Variants in NYAP2 observed in about 807,000 individuals in gnomAD.
NYAP2 encodes neuronal tyrosine-phosphorylated phosphoinositide-3-kinase adapter 2.
NYAP2 carries 23 observed loss-of-function variants against 50.4 expected under a neutral mutation model. The ratio of observed to expected loss-of-function variants is 0.46; its 90% CI spans 0.33 to 0.65. NYAP2 has a LOEUF of 0.65. Ranked by LOEUF, NYAP2 falls within the 30% of genes least tolerant of loss-of-function variation. The pLI is 0.02. For synonymous variants in NYAP2, 394 were observed against 365.2 expected, an observed-to-expected ratio of 1.08 and a Z score of -0.90; for missense variants, 885 against 861.0, an observed-to-expected ratio of 1.03 and a Z score of -0.35.
chr2:225,693,941 C>T, the NYAP2 span, among the ~76,000 whole-genome samples: 1 of 151,964 alleles, frequency 6.6e-6, no homozygotes, highest in Non-Finnish European at 1.5e-5. Context: ...ATTTCACCTC[C>T]TAGACAGGAA....
At chr2:225,660,881 TA>T in the NYAP2 span, among the ~76,000 whole-genome samples, 1 of 152,154 alleles carries the variant, frequency 6.6e-6, no homozygotes, top group Non-Finnish European at 1.5e-5. Context: ...AAATAATACT[TA>T]GGGGAAAAAT....
At chr2:225,547,037 A>G (rs2106207522) in intron 4 of NYAP2, among the ~76,000 whole-genome samples, 1 of 152,206 alleles carries the variant, frequency 6.6e-6, no homozygotes, top group East Asian at 1.9e-4. Flanking sequence ...GCCCTATCCT[A>G]TTGTGGCTAA....
chr2:225,526,412 C>A (rs1220537733), intron 4 of NYAP2, among the ~76,000 whole-genome samples: 1 of 152,170 alleles, frequency 6.6e-6, no homozygotes, highest in Non-Finnish European at 1.5e-5. Flanking sequence ...GTGGTTAAGA[C>A]AACAGCAGTG....
chr2:225,510,345 G>T (rs570180366), intron 3 of NYAP2, among the ~76,000 whole-genome samples: 5 of 151,898 alleles, frequency 3.3e-5, no homozygotes, highest in African/African-American at 1.2e-4. Context: ...TAATATTTCT[G>T]GGGGGGTTCT....
rs577821608 is a variant in NYAP2 at position 225,573,620 on chromosome 2, A to G, written c.524-8321A>G. Among the ~76,000 whole-genome samples the G allele has an allele frequency of 4.6e-5, 7 of 152,234 alleles. No homozygotes were observed. In the East Asian group the frequency reaches 1.3e-3, roughly 29 times the overall value. On this transcript the variant is annotated intron_variant, in intron 4 of 6. Transcript: ENST00000636099. ...ATGGGTGGTTCCTCTGCTTTATGTG[A>G]CAATGGCTGGGGCCTCTTATTTTTC... is the stretch of plus-strand genomic sequence containing the variant.
At chr2:225,522,575 A>G (rs766071946) in intron 4 of NYAP2, among the ~76,000 whole-genome samples, 13 of 152,198 alleles carry the variant, frequency 8.5e-5, no homozygotes, top group Non-Finnish European at 1.5e-4. Context: ...CAAAAAAGTA[A>G]TTTAGAGCCT....
chr2:225,487,382 CAG>C (rs1265452642), intron 3 of NYAP2, among the ~76,000 whole-genome samples: 1 of 151,228 alleles, frequency 6.6e-6, no homozygotes, highest in Non-Finnish European at 1.5e-5. Flanking sequence ...TTTTCCATGT[CAG>C]AGTCTTGCTC....
At chr2:225,523,260 G>A (rs569959664) in intron 4 of NYAP2, among the ~76,000 whole-genome samples, 8 of 150,830 alleles carry the variant, frequency 5.3e-5, no homozygotes, top group African/African-American at 1.9e-4. Context: ...CATCCAAATT[G>A]GAAAAGAGGA....
intron 5 of NYAP2, among the ~76,000 whole-genome samples, chr2:225,607,828 A>G (rs1692814661): frequency 6.6e-6 from 1 of 152,178 alleles, no homozygotes; most frequent in Non-Finnish European, 1.5e-5. Context: ...CTGTGGGCAT[A>G]CATATTTAAT....
intron 3 of NYAP2, among the ~76,000 whole-genome samples, chr2:225,510,455 T>C (rs893840798): frequency 2.6e-5 from 4 of 152,218 alleles, no homozygotes; most frequent in Non-Finnish European, 5.9e-5. Flanking sequence ...ATTCAATCAT[T>C]GCCCTTCATA....
chr2:225,597,923 T>G (rs1692633571), intron 5 of NYAP2, among the ~76,000 whole-genome samples: 2 of 152,142 alleles, frequency 1.3e-5, no homozygotes, highest in Admixed American at 6.6e-5. Flanking sequence ...AAATAAATTT[T>G]CAGAGGTTCC....
the NYAP2 span, among the ~76,000 whole-genome samples, chr2:225,674,011 C>T: frequency 1.3e-5 from 2 of 151,942 alleles, no homozygotes; most frequent in Non-Finnish European, 2.9e-5. Context: ...AGCAGAGGAC[C>T]CCATTCGGGG....
intron 4 of NYAP2, among the ~76,000 whole-genome samples, chr2:225,569,416 G>C (rs985979296): frequency 2.6e-5 from 4 of 151,960 alleles, no homozygotes; most frequent in African/African-American, 4.8e-5. Flanking sequence ...AAGAGAGAGG[G>C]GATTGAGAGA....
intron 5 of NYAP2, among the ~76,000 whole-genome samples, chr2:225,615,415 C>A (rs903793965): frequency 1.3e-5 from 2 of 152,122 alleles, no homozygotes; most frequent in African/African-American, 4.8e-5. Context: ...AATATCTCTA[C>A]AATCCTCATG....
chr2:225,685,956 C>G, the NYAP2 span, among the ~76,000 whole-genome samples: 1 of 152,038 alleles, frequency 6.6e-6, no homozygotes, highest in Non-Finnish European at 1.5e-5. Context: ...CAAATCAAGT[C>G]TTTTTCATGC....
At chr2:225,511,464 C>T (rs1690817539) in intron 3 of NYAP2, among the ~76,000 whole-genome samples, 1 of 151,892 alleles carries the variant, frequency 6.6e-6, no homozygotes, top group African/African-American at 2.4e-5. Context: ...GCCCCTTAGC[C>T]ATCACTTGGA....
chr2:225,545,673 T>A (rs186889570), intron 4 of NYAP2, among the ~76,000 whole-genome samples: 1 of 152,324 alleles, frequency 6.6e-6, no homozygotes, highest in East Asian at 1.9e-4. Flanking sequence ...TCTGTGTTTC[T>A]CCAGGATTAG....
At chr2:225,592,886 C>T (rs1419867476) in intron 5 of NYAP2, among the ~76,000 whole-genome samples, 1 of 152,136 alleles carries the variant, frequency 6.6e-6, no homozygotes, top group African/African-American at 2.4e-5. Flanking sequence ...AAGAAGAACC[C>T]TACCTGCTTT....
At chr2:225,447,268 T>C (rs1689578076) in intron 3 of NYAP2, among the ~76,000 whole-genome samples, 1 of 152,224 alleles carries the variant, frequency 6.6e-6, no homozygotes, top group Non-Finnish European at 1.5e-5. Flanking sequence ...CCATTGTTCT[T>C]TGATTCTTAT....
Sources: gnomAD v4.1 joint callset for allele counts (sites outside exome capture counted in the v4.1 genomes callset) on GRCh38, gnomAD v4.1.1 for gene constraint, MANE v1.5 for transcripts, NCBI Gene and HGNC (gene_info 2026-07-23, HGNC 2026-07-21) for gene names.